Variants in SP100 observed in about 807,000 individuals in gnomAD.
The protein encoded by SP100 is nuclear autoantigen Sp-100.
A neutral mutation model predicts 130.0 loss-of-function variants in SP100; 84 were observed. That is an observed-to-expected ratio of 0.65 (90% confidence interval 0.54 to 0.77). The LOEUF is 0.77. SP100 is among the 30% of genes least tolerant of loss of function. The pLI is 0.00. For synonymous variants in SP100, 331 were observed against 351.7 expected, an observed-to-expected ratio of 0.94 and a Z score of 0.66; for missense variants, 978 against 1,052.2, an observed-to-expected ratio of 0.93 and a Z score of 0.97.
chr2:230,543,057 A>C lies in SP100; in HGVS notation c.*111A>C. ...GAAACTCCACATCACAATTCTCCAA[A>C]ATTTATCATTGCCATTTTAAAACCG... On this transcript the variant is annotated 3_prime_UTR_variant, in exon 29 of 29. Transcript: ENST00000340126. 1 of 570,966 alleles carries C rather than the reference A, an allele frequency of 1.8e-6. No homozygotes were observed. The highest frequency in any genetic ancestry group is 3.0e-5 in the East Asian group (1 of 33,298). 35.4% of individuals were successfully genotyped at this position (570,966 alleles called of 1,614,324 possible).
At chr2:230,485,083 C>T (rs904880952) in intron 17 of SP100, among the ~76,000 whole-genome samples, 1 of 151,900 alleles carries the variant, frequency 6.6e-6, no homozygotes, top group Non-Finnish European at 1.5e-5. Flanking sequence ...CACATGGCAC[C>T]AGGTCCCAAT....
Position 230,482,487 on chromosome 2 carries a change from A to C in SP100, c.1600+8040A>C, listed in dbSNP as rs533752331. ...GAAAAATAAACCTACTGAGAACAAAACCCTATCTCAAGATTTGCTTTTGGG... is the reference window on the plus strand; with the variant it reads ...GAAAAATAAACCTACTGAGAACAAACCCCTATCTCAAGATTTGCTTTTGGG... On this transcript the variant is annotated intron_variant, in intron 17 of 28. Coordinates refer to ENST00000340126, the MANE Select transcript of SP100 (RefSeq NM_001080391.2). 2.6e-5 allele frequency among the ~76,000 whole-genome samples: 4 copies of C among 152,088 alleles called. No homozygotes were observed. In the East Asian group the frequency reaches 7.7e-4, roughly 29 times the overall value.
At chr2:230,522,510 TTGCA>T (rs1691222581) in intron 24 of SP100, among the ~76,000 whole-genome samples, 1 of 109,044 alleles carries the variant, frequency 9.2e-6, no homozygotes, top group African/African-American at 3.8e-5. Context: ...AGACAGAGTC[TTGCA>T]CTGTCACACT....
In SP100 at chr2:230,542,954, T is replaced by C. The variant is rs758131805; in HGVS notation, c.*8T>C. The C allele has an allele frequency of 1.0e-5, 15 of 1,435,818 alleles. No homozygotes were observed. Among genetic ancestry groups the C allele is most frequent in the African/African-American group, 1.4e-5 (1 of 72,002 alleles). The allele number at this position is 1,435,818 out of a possible 1,614,324, so 88.9% of individuals were successfully genotyped here. On this transcript the variant is annotated 3_prime_UTR_variant, in exon 29 of 29. Coordinates refer to ENST00000340126, the MANE Select transcript of SP100 (RefSeq NM_001080391.2). The stretch of plus-strand genomic sequence containing the variant: ...ATTATAATGTTTATTTAGCCATTCT[T>C]ATCTCCTCCCTTCAGATCCTCTGGC...
intron 17 of SP100, among the ~76,000 whole-genome samples, chr2:230,489,189 C>G (rs1427948412): frequency 6.6e-6 from 1 of 152,184 alleles, no homozygotes; most frequent in Non-Finnish European, 1.5e-5. Context: ...ATTACTGCCT[C>G]AATTTCAGAA....
chr2:230,450,451 A>C (rs2063922032), intron 8 of SP100, among the ~76,000 whole-genome samples, 196 bp downstream of exon 8: 1 of 152,252 alleles, frequency 6.6e-6, no homozygotes, highest in South Asian at 2.1e-4. Context: ...AGAGCTAATT[A>C]GCATAAATAT....
At chr2:230,521,125 G>A (rs534036517) in intron 24 of SP100, among the ~76,000 whole-genome samples, 33 of 152,254 alleles carry the variant, frequency 2.2e-4, no homozygotes, top group Middle Eastern at 3.4e-3. Context: ...TGTCAAAAGT[G>A]GCCTGTAGGT....
intron 2 of SP100, among the ~76,000 whole-genome samples, chr2:230,442,359 G>A (rs1559987): frequency 0.23 from 34,348 of 151,968 alleles, 4,072 homozygotes; most frequent in African/African-American, 0.3. Context: ...GTAGAATCAG[G>A]CATTCTAGGA....
intron 10 of SP100, 86 bp downstream of exon 10, chr2:230,462,604 A>C: frequency 6.3e-5 from 59 of 943,552 alleles, no homozygotes; most frequent in Non-Finnish European, 9.7e-5. Context: ...TTCTGAGCTC[A>C]TTCTGTACAA....
In SP100 at chr2:230,447,002, G is replaced by A. The variant is rs536509222; in HGVS notation, c.523+100G>A. Reference sequence around the variant, plus strand: ...AGGGAAGACATATGGAAGGACTATGGAGAAGTCAAGGAGAGAGTTATATGA... The same window carrying A: ...AGGGAAGACATATGGAAGGACTATGAAGAAGTCAAGGAGAGAGTTATATGA... On this transcript the variant is annotated intron_variant, in intron 5 of 28. Coordinates refer to ENST00000340126, the MANE Select transcript of SP100 (RefSeq NM_001080391.2). The A allele has an allele frequency of 5.7e-6, 4 of 702,522 alleles. No homozygotes were observed. The East Asian group carries it at 8.5e-5, about 15-fold the overall frequency. 43.5% of individuals were successfully genotyped at this position (702,522 alleles called of 1,614,324 possible). A position where few individuals can be genotyped will look rare whatever the true frequency, so the allele number is the denominator to read the frequency against.
At chr2:230,504,618 G>A (rs558113227) in intron 21 of SP100, among the ~76,000 whole-genome samples, 1 of 152,280 alleles carries the variant, frequency 6.6e-6, no homozygotes, top group African/African-American at 2.4e-5. Context: ...CATGTAAAAT[G>A]TTGTCTACCA....
At chr2:230,525,881 A>G (rs1452683714) in intron 24 of SP100, among the ~76,000 whole-genome samples, 1 of 152,166 alleles carries the variant, frequency 6.6e-6, no homozygotes, top group Non-Finnish European at 1.5e-5. Context: ...AGTAGCTCAC[A>G]CTGTAAACAA....
chr2:230,459,381 C>G (rs757658356), intron 8 of SP100, among the ~76,000 whole-genome samples: 1 of 151,958 alleles, frequency 6.6e-6, no homozygotes, highest in Non-Finnish European at 1.5e-5. Context: ...TCAAAATGGC[C>G]CCTGTGACTC....
Position 230,541,968 on chromosome 2 carries a change from AC to A in SP100, c.2481del (p.Tyr827Ter). The A allele has an allele frequency of 2.5e-6, 4 of 1,614,138 alleles. No individual in the cohort carries two copies. The highest frequency in any genetic ancestry group is 3.4e-6 in the Non-Finnish European group (4 of 1,179,968). On this transcript the variant is annotated frameshift_variant, in exon 28 of 29. Coordinates refer to ENST00000340126, the MANE Select transcript of SP100 (RefSeq NM_001080391.2). LOFTEE classifies it high-confidence loss of function. Reference protein sequence around the residue: ...KVKTSLNEQMYTRVEGFVQDM... With the variant: ...KVKTSLNEQMXTRVEGFVQDM... ...AAGACAAGTTTGAATGAGCAGATGT[AC>A]ACCCGAGTAGAAGGGTTTGTGCAGG...
intron 4 of SP100, among the ~76,000 whole-genome samples, chr2:230,445,732 G>C (rs962982223): frequency 6.6e-6 from 1 of 152,214 alleles, no homozygotes; most frequent in Non-Finnish European, 1.5e-5. Context: ...CGGGGATGAA[G>C]GGAATGGTGC....
intron 17 of SP100, among the ~76,000 whole-genome samples, chr2:230,478,963 T>C (rs188672990): frequency 6.6e-6 from 1 of 152,204 alleles, no homozygotes; most frequent in East Asian, 1.9e-4. Context: ...TAGGACTACA[T>C]GTGCCCACCA....
intron 24 of SP100, among the ~76,000 whole-genome samples, chr2:230,521,818 G>A (rs1297428234): frequency 1.3e-5 from 2 of 152,186 alleles, no homozygotes; most frequent in Non-Finnish European, 2.9e-5. Flanking sequence ...GCTGCTACGG[G>A]CCCAAACCAC....
chr2:230,502,079 T>C lies in SP100; in HGVS notation c.1721-987T>C, dbSNP rs569240278. The stretch of plus-strand genomic sequence containing the variant: ...TTTTAGTAGAGACGGAGTTTCACCA[T>C]GTTGGCTAGGCTGGTTTTGAACTCC... On this transcript the variant is annotated intron_variant, in intron 19 of 28. Transcript: ENST00000340126. 7.9e-5 allele frequency among the ~76,000 whole-genome samples: 12 copies of C among 151,174 alleles called. No individual in the cohort carries two copies. The South Asian group carries it at 1.9e-3, about 24-fold the overall frequency.
At chr2:230,471,480 A>G (rs2065261305) in intron 15 of SP100, among the ~76,000 whole-genome samples, 1 of 152,224 alleles carries the variant, frequency 6.6e-6, no homozygotes, top group Admixed American at 6.5e-5. Flanking sequence ...CAATGAATAC[A>G]CAAAGAGAGT....
Sources: gnomAD v4.1 joint callset for allele counts (sites outside exome capture counted in the v4.1 genomes callset) on GRCh38, gnomAD v4.1.1 for gene constraint, MANE v1.5 for transcripts, NCBI Gene and HGNC (gene_info 2026-07-23, HGNC 2026-07-21) for gene names.